Variants in NBAS observed in about 807,000 individuals in gnomAD.
The protein encoded by NBAS is NBAS subunit of NRZ tethering complex.
In NBAS, 219 loss-of-function variants were observed where a neutral mutation model predicts 302.5. That is an observed-to-expected ratio of 0.72 (90% CI 0.65 to 0.81). The LOEUF (loss-of-function observed/expected upper bound fraction) is 0.81. Ranked by LOEUF, NBAS falls within the 30% of genes least tolerant of loss-of-function variation. NBAS has a pLI of 0.00. For missense variants in NBAS, 2,932 were observed against 2,841.6 expected, an observed-to-expected ratio of 1.03 and a Z score of -0.72; for synonymous variants, 1,118 against 1,021.6, an observed-to-expected ratio of 1.09 and a Z score of -1.80.
rs117462596 is a variant in NBAS, at chr2:15,268,275, G to A, written c.5724+7209C>T. 2.6e-4 allele frequency among the ~76,000 whole-genome samples: 39 copies of A among 152,286 alleles called. No homozygotes were observed. The East Asian group carries it at 6.2e-3, about 24-fold the overall frequency. On this transcript the variant is annotated intron_variant, in intron 44 of 51. Coordinates refer to ENST00000281513, the MANE Select transcript of NBAS (RefSeq NM_015909.4). ...ATTGATACACTCTTCTGGTATTGTTGTTTTCCCAGTGGTAAACATCTGTGG... is the reference window on the plus strand; with the variant it reads ...ATTGATACACTCTTCTGGTATTGTTATTTTCCCAGTGGTAAACATCTGTGG...
Position 15,432,590 on chromosome 2 carries a change from G to A in NBAS, c.2340-4796C>T, listed in dbSNP as rs75242127. On this transcript the variant is annotated intron_variant, in intron 21 of 51. Transcript: ENST00000281513. ...TTCTTTTATTCATGTTCTATGCCTC[G>A]GAAACAAAAGGTTAAATAGACAGTG... is the stretch of plus-strand genomic sequence containing the variant. Among the ~76,000 whole-genome samples, 29 of 151,992 alleles carry A rather than the reference G, an allele frequency of 1.9e-4. No homozygotes were observed. The East Asian group carries it at 2.1e-3, about 11-fold the overall frequency.
At chr2:15,170,520 G>C (rs933967856) in intron 51 of NBAS, among the ~76,000 whole-genome samples, 1 of 152,234 alleles carries the variant, frequency 6.6e-6, no homozygotes, top group Admixed American at 6.5e-5. Flanking sequence ...TTGAGCTTGG[G>C]CAGTGAGCAG....
chr2:14,905,716 G>A, the NBAS span, among the ~76,000 whole-genome samples: 1 of 152,222 alleles, frequency 6.6e-6, no homozygotes, highest in South Asian at 2.1e-4. Flanking sequence ...CCTAATGAAA[G>A]CATTGCAGGC....
chr2:15,103,829 A>C, the NBAS span, among the ~76,000 whole-genome samples: 1 of 152,134 alleles, frequency 6.6e-6, no homozygotes, highest in African/African-American at 2.4e-5. Context: ...GCTTACTTCT[A>C]TCACATGGCT....
At chr2:15,135,624 C>T in the NBAS span, among the ~76,000 whole-genome samples, 6 of 152,062 alleles carry the variant, frequency 3.9e-5, no homozygotes, top group East Asian at 1.9e-4. Flanking sequence ...TATAGTTATC[C>T]GGGAACCGTT....
intron 19 of NBAS, among the ~76,000 whole-genome samples, chr2:15,466,445 C>A (rs1432061004): frequency 6.6e-6 from 1 of 152,198 alleles, no homozygotes; most frequent in African/African-American, 2.4e-5. Flanking sequence ...TGAAATGTGG[C>A]TGACTTCCAC....
intron 1 of NBAS, among the ~76,000 whole-genome samples, chr2:15,559,733 AC>A (rs1337077964): frequency 6.6e-6 from 1 of 152,160 alleles, no homozygotes; most frequent in African/African-American, 2.4e-5. Context: ...CCCACCCCCA[AC>A]ACACAAACAC....
the NBAS span, among the ~76,000 whole-genome samples, chr2:14,975,729 C>T: frequency 1.3e-5 from 2 of 152,026 alleles, no homozygotes; most frequent in Non-Finnish European, 2.9e-5. Flanking sequence ...ATAATTTGTA[C>T]TACAAGATGG....
intron 8 of NBAS, among the ~76,000 whole-genome samples, chr2:15,536,066 T>C (rs1663494912): frequency 6.6e-6 from 1 of 152,246 alleles, no homozygotes; most frequent in South Asian, 2.1e-4. Flanking sequence ...TTTCACTGCA[T>C]GCAAATTTTA....
At chr2:15,159,803 G>GCACACACACACA in the NBAS span, among the ~76,000 whole-genome samples, 6 of 147,322 alleles carry the variant, frequency 4.1e-5, no homozygotes, top group Non-Finnish European at 9.0e-5. Flanking sequence ...ACACACGCGT[G>GCACACACACACA]CACACACACA....
the NBAS span, among the ~76,000 whole-genome samples, chr2:15,086,183 G>C: frequency 6.6e-6 from 1 of 152,152 alleles, no homozygotes. Context: ...AAAGCCCCAG[G>C]CTGAGCTAGA....
chr2:15,242,558 A>G (rs1667911224), intron 44 of NBAS, among the ~76,000 whole-genome samples: 1 of 152,080 alleles, frequency 6.6e-6, no homozygotes, highest in Admixed American at 6.6e-5. Context: ...ATTTACATCT[A>G]GTAGATTTAT....
At chr2:15,420,243 T>G (rs1182418383) in intron 23 of NBAS, among the ~76,000 whole-genome samples, 1 of 152,050 alleles carries the variant, frequency 6.6e-6, no homozygotes, top group African/African-American at 2.4e-5. Context: ...CGAAGAAGAA[T>G]TACAAGAAAG....
intron 10 of NBAS, among the ~76,000 whole-genome samples, chr2:15,506,126 C>T (rs937876427): frequency 6.6e-6 from 1 of 151,850 alleles, no homozygotes; most frequent in Admixed American, 6.6e-5. Flanking sequence ...AGAAAAACTA[C>T]TGGAAAGAGA....
rs538532225 is a variant in NBAS at position 15,253,022 on chromosome 2, G to A, written c.5725-14336C>T. Among the ~76,000 whole-genome samples the A allele has an allele frequency of 2.8e-3, 423 of 152,306 alleles. 3 individuals are homozygous for A. The highest frequency in any genetic ancestry group is 9.6e-3 in the African/African-American group (399 of 41,566). ...ACTTGAAGCATCAGCAGGAGTTCAT[G>A]TGGAAGAAGGAGGGGAGGGTGGATT... is the stretch of plus-strand genomic sequence containing the variant. On this transcript the variant is annotated intron_variant, in intron 44 of 51. Transcript: ENST00000281513.
At chr2:14,843,626 T>G in the NBAS span, among the ~76,000 whole-genome samples, 1 of 151,490 alleles carries the variant, frequency 6.6e-6, no homozygotes, top group Non-Finnish European at 1.5e-5. Flanking sequence ...GTACTCACAG[T>G]ACCTCATTTT....
intron 48 of NBAS, among the ~76,000 whole-genome samples, chr2:15,199,972 G>A (rs1409440493): frequency 2.0e-5 from 3 of 149,930 alleles, no homozygotes; most frequent in East Asian, 2.0e-4. Context: ...CATGAATCAG[G>A]GCTCACTGTA....
chr2:15,453,839 C>T (rs764954067), intron 21 of NBAS, among the ~76,000 whole-genome samples: 12 of 151,636 alleles, frequency 7.9e-5, no homozygotes, highest in Non-Finnish European at 1.3e-4. Context: ...AGTGCAGTGG[C>T]GCAATCTTGG....
chr2:15,147,365 G>A, the NBAS span, among the ~76,000 whole-genome samples: 6 of 152,146 alleles, frequency 3.9e-5, no homozygotes, highest in East Asian at 1.9e-4. Flanking sequence ...AGGCTGAAGC[G>A]GGTGGATCAC....
Sources: gnomAD v4.1 joint callset for allele counts (sites outside exome capture counted in the v4.1 genomes callset) on GRCh38, gnomAD v4.1.1 for gene constraint, MANE v1.5 for transcripts, NCBI Gene and HGNC (gene_info 2026-07-23, HGNC 2026-07-21) for gene names.